LRRC37A3: variants seen among roughly 807,000 people sequenced by gnomAD.
LRRC37A3 encodes leucine rich repeat containing 37 member A3.
A neutral mutation model predicts 106.2 loss-of-function variants in LRRC37A3; 25 were observed. The ratio of observed to expected loss-of-function variants is 0.24; its 90% CI spans 0.17 to 0.33. The LOEUF is 0.33. LRRC37A3 is among the 10% of genes least tolerant of loss of function. The probability of loss-of-function intolerance (pLI) is 1.00; values close to 1 mark genes in which losing one functional copy is unlikely to be tolerated. For synonymous variants in LRRC37A3, 305 were observed against 635.8 expected, an observed-to-expected ratio of 0.48 and a Z score of 7.83; for missense variants, 712 against 1,644.9, an observed-to-expected ratio of 0.43 and a Z score of 9.81.
In LRRC37A3 at chr17:64,910,981, C is replaced by T. The variant is rs1164397487; in HGVS notation, c.-496+7769G>A. On this transcript the variant is annotated intron_variant, in intron 2 of 14. Transcript: ENST00000584306. ...TATTTGCCAGACATTGTGCTAAGCA[C>T]TTTAAAATGCATTATTTCATTTTAT... 2.6e-5 allele frequency among the ~76,000 whole-genome samples: 4 copies of T among 151,984 alleles called. No individual in the cohort carries two copies. The East Asian group carries it at 7.7e-4, about 29-fold the overall frequency.
intron 14 of LRRC37A3, among the ~76,000 whole-genome samples, 176 bp downstream of exon 14, chr17:64,855,664 T>A (rs1416788994): frequency 1.3e-5 from 2 of 151,856 alleles, no homozygotes; most frequent in Non-Finnish European, 2.9e-5. Flanking sequence ...GCGAGACTAG[T>A]GGTGGTGCAT....
At chr17:64,870,261 C>T (rs1009379227) in intron 8 of LRRC37A3, among the ~76,000 whole-genome samples, 1 of 151,722 alleles carries the variant, frequency 6.6e-6, no homozygotes, top group Non-Finnish European at 1.5e-5. Flanking sequence ...CTGTCATCCC[C>T]GTGCCTGGCA....
chr17:64,875,092 TA>T (rs1267674267), intron 8 of LRRC37A3, among the ~76,000 whole-genome samples: 4 of 151,262 alleles, frequency 2.6e-5, no homozygotes, highest in Non-Finnish European at 5.9e-5. Context: ...GAATGATCAA[TA>T]AAAAAAATTA....
At chr17:64,914,999 A>T (rs1227610870) in intron 2 of LRRC37A3, among the ~76,000 whole-genome samples, 1 of 152,106 alleles carries the variant, frequency 6.6e-6, no homozygotes, top group Non-Finnish European at 1.5e-5. Context: ...AGGGATGAAG[A>T]CAAGTTGATT....
rs977467971 is a variant in LRRC37A3 at position 64,854,737 on chromosome 17, GC to G, written c.4860-94del. 299 of 1,611,962 alleles carry G rather than the reference GC, an allele frequency of 1.9e-4. 1 individual carries two copies. The highest frequency in any genetic ancestry group is 4.5e-4 in the Admixed American group (27 of 59,996). On this transcript the variant is annotated intron_variant, in intron 14 of 14. Coordinates refer to ENST00000584306, the MANE Select transcript of LRRC37A3 (RefSeq NM_199340.5). ...CTCATTTTAGATGGGAACTGTGAGG[GC>G]CCCGTCATTTACCCAGGGTCCCTGT...
chr17:64,909,401 G>A (rs1365567497), intron 2 of LRRC37A3, among the ~76,000 whole-genome samples: 1 of 152,160 alleles, frequency 6.6e-6, no homozygotes, highest in African/African-American at 2.4e-5. Context: ...CAATCTTCAG[G>A]TGATTTCTAT....
chr17:64,869,747 G>A (rs548215060), intron 8 of LRRC37A3, among the ~76,000 whole-genome samples: 2 of 151,864 alleles, frequency 1.3e-5, no homozygotes, highest in East Asian at 3.9e-4. Context: ...TACCATGTTG[G>A]CCAGGCTGGT....
rs149807421 is a variant in LRRC37A3, at chr17:64,860,214, C to T, written c.3932G>A (p.Arg1311His). The change falls in exon 12 of 15, where the codon CGC becomes CAC. Residue 1311 changes from arginine (R) to histidine (H), a missense_variant. Arg to His is a conservative substitution (Grantham distance 29). Coordinates refer to ENST00000584306, the MANE Select transcript of LRRC37A3 (RefSeq NM_199340.5). ...GGGTGTTCTGTGGGTCATGCGGGAG[C>T]GAGTTTTGTGAAAGCGGTATTTTTT... Reference protein sequence around the residue: ...SRKKYRFHKTRSRMTHRTPKV... With the variant: ...SRKKYRFHKTHSRMTHRTPKV... 5,053 of 1,613,860 alleles carry T rather than the reference C, an allele frequency of 3.1e-3. 12 individuals are homozygous for T. The highest frequency in any genetic ancestry group is 3.6e-3 in the Non-Finnish European group (4,207 of 1,179,856).
intron 8 of LRRC37A3, among the ~76,000 whole-genome samples, chr17:64,876,018 G>T (rs1286093790): frequency 6.6e-6 from 1 of 152,062 alleles, no homozygotes; most frequent in Admixed American, 6.5e-5. Context: ...CGACAGATGC[G>T]CACCACCACA....
chr17:64,856,309 T>C (rs1972677448), intron 13 of LRRC37A3, among the ~76,000 whole-genome samples: 1 of 151,930 alleles, frequency 6.6e-6, no homozygotes, highest in Non-Finnish European at 1.5e-5. Flanking sequence ...CTCAACCTCC[T>C]GGGCTCCAGT....
intron 8 of LRRC37A3, among the ~76,000 whole-genome samples, chr17:64,869,443 A>G (rs1477745768): frequency 1.3e-5 from 2 of 152,208 alleles, no homozygotes; most frequent in African/African-American, 4.8e-5. Context: ...TTCAGGTCAA[A>G]AACCCTAAAA....
intron 8 of LRRC37A3, chr17:64,881,177 C>A (rs1056110071): frequency 2.9e-6 from 2 of 700,788 alleles, no homozygotes; most frequent in Non-Finnish European, 2.6e-6. Context: ...GACTGCATCA[C>A]GTAAATGCTT....
At position 64,897,333 on chromosome 17, in the gene LRRC37A3, C is replaced by T. The variant is rs1598427958; in HGVS notation, c.-76G>A. ...GTCTTTATGACACCTTTATTTATGC[C>T]ACAGATCTGCTCCATGTCACCAGGG... On this transcript the variant is annotated 5_prime_UTR_variant, in exon 4 of 15. Transcript: ENST00000584306. The T allele has an allele frequency of 6.2e-7, 1 of 1,604,214 alleles. No individual in the cohort carries two copies. Among genetic ancestry groups the T allele is most frequent in the South Asian group, 1.1e-5 (1 of 90,730 alleles).
intron 10 of LRRC37A3, among the ~76,000 whole-genome samples, chr17:64,867,009 T>A (rs1266507790): frequency 2.0e-5 from 3 of 151,392 alleles, no homozygotes; most frequent in Non-Finnish European, 4.4e-5. Context: ...TCAAAATGGA[T>A]CATAGACCTA....
Position 64,859,494 on chromosome 17 carries a change from T to C in LRRC37A3, c.4652A>G (p.Tyr1551Cys). Residue 1551 changes from tyrosine (Y) to cysteine (C), a missense_variant, in exon 12 of 15, where the codon TAC becomes TGC. Tyr to Cys is a radical substitution (Grantham distance 194, BLOSUM62 -2). Transcript: ENST00000584306. ...CTGGGCTTCTGTGCTCTCATTAATG[T>C]AGTTCTCAGTCTTCCATTGGTCCGT... ...WDTDQWKTENYINESTEAQSE... is the reference protein window; with the variant it reads ...WDTDQWKTENCINESTEAQSE... The C allele has an allele frequency of 6.2e-7, 1 of 1,611,882 alleles. No individual in the cohort carries two copies. Among genetic ancestry groups the C allele is most frequent in the South Asian group, 1.1e-5 (1 of 90,884 alleles).
chr17:64,863,007 C>G lies in LRRC37A3; in HGVS notation c.3065G>C (p.Ser1022Thr). 6.3e-7 allele frequency: 1 copy of G among 1,597,888 alleles called. No homozygotes were observed. Among genetic ancestry groups the G allele is most frequent in the Non-Finnish European group, 8.5e-7 (1 of 1,179,770 alleles). The change falls in exon 11 of 15, where the codon AGC (serine) becomes ACC (threonine). Residue 1022 changes from serine (S) to threonine (T), a missense_variant. Transcript: ENST00000584306. ...TTGGCAGAGGCAGCAGGCCATATGG[C>G]TAGGTACGATCCTATAGATGAAAAC... ...TVELEKLIVP[S>T]HMACCLCQFK...
chr17:64,868,309 T>A (rs1270275708), intron 10 of LRRC37A3, among the ~76,000 whole-genome samples, 153 bp downstream of exon 10: 1 of 152,126 alleles, frequency 6.6e-6, no homozygotes, highest in Non-Finnish European at 1.5e-5. Flanking sequence ...GTTATGTAAC[T>A]ATACATTTGT....
intron 8 of LRRC37A3, among the ~76,000 whole-genome samples, chr17:64,874,491 GC>G (rs1232474022): frequency 6.7e-6 from 1 of 148,956 alleles, no homozygotes; most frequent in Non-Finnish European, 1.5e-5. Context: ...GCCAGCCCCC[GC>G]CCGGCCAGCC....
At chr17:64,880,749 G>A (rs967824064) in intron 8 of LRRC37A3, among the ~76,000 whole-genome samples, 8 of 151,914 alleles carry the variant, frequency 5.3e-5, no homozygotes, top group Admixed American at 2.6e-4. Flanking sequence ...CACAAAATAA[G>A]GGAACATTTC....
Sources: gnomAD v4.1 joint callset for allele counts (sites outside exome capture counted in the v4.1 genomes callset) on GRCh38, gnomAD v4.1.1 for gene constraint, MANE v1.5 for transcripts, NCBI Gene and HGNC (gene_info 2026-07-23, HGNC 2026-07-21) for gene names.